The following CACUL1 variants were observed in gnomAD, a reference collection of about 807,000 sequenced individuals.
The protein encoded by CACUL1 is CDK2 associated cullin domain 1, also known as CDK2-associated and cullin domain-containing protein 1.
Under a neutral mutation model 45.2 loss-of-function variants are expected in CACUL1, and 13 were observed. That is an observed-to-expected ratio of 0.29 (90% CI 0.19 to 0.46). CACUL1 has a LOEUF of 0.46. CACUL1 is among the 20% of genes least tolerant of loss of function. The pLI, the probability that CACUL1 is intolerant of heterozygous loss-of-function variation, is 1.00. For synonymous variants in CACUL1, 197 were observed against 174.2 expected (o/e 1.13, Z -1.03); for missense variants, 421 against 471.4 (o/e 0.89, Z 0.99).
intron 1 of CACUL1, among the ~76,000 whole-genome samples, chr10:118,742,656 C>G (rs375021222): frequency 6.6e-5 from 10 of 152,198 alleles, no homozygotes; most frequent in African/African-American, 2.2e-4. Flanking sequence ...TACACACCCC[C>G]CTCCCAACAT....
chr10:118,741,379 C>T (rs1337899445), intron 1 of CACUL1, among the ~76,000 whole-genome samples: 1 of 152,032 alleles, frequency 6.6e-6, no homozygotes, highest in Non-Finnish European at 1.5e-5. Context: ...TTCTAAGGCA[C>T]AGGAAATGAG....
chr10:118,707,723 C>T (rs1845446369), intron 3 of CACUL1, 136 bp from the exon 4 acceptor site: 1 of 524,098 alleles, frequency 1.9e-6, no homozygotes, highest in African/African-American at 2.2e-5. Flanking sequence ...AAAAGGAAGA[C>T]ACGTACACTC....
intron 4 of CACUL1, among the ~76,000 whole-genome samples, chr10:118,707,103 G>A (rs1845439341): frequency 6.6e-6 from 1 of 152,188 alleles, no homozygotes; most frequent in Admixed American, 6.5e-5. Flanking sequence ...CAGAATGGCA[G>A]CAATGTTTTA....
At chr10:118,748,834 G>A (rs1254857656) in intron 1 of CACUL1, among the ~76,000 whole-genome samples, 5 of 152,068 alleles carry the variant, frequency 3.3e-5, no homozygotes, top group East Asian at 1.9e-4. Context: ...ACCAGACGGC[G>A]ACATGGGTTA....
intron 3 of CACUL1, among the ~76,000 whole-genome samples, chr10:118,711,279 C>T (rs1327378390): frequency 6.6e-6 from 1 of 152,216 alleles, no homozygotes; most frequent in African/African-American, 2.4e-5. Flanking sequence ...AGGGTTTCAC[C>T]ATGTTGGCCA....
intron 5 of CACUL1, among the ~76,000 whole-genome samples, chr10:118,700,203 C>T (rs554100641): frequency 3.3e-5 from 5 of 152,124 alleles, no homozygotes; most frequent in Admixed American, 2.6e-4. Flanking sequence ...ACGCTAATTA[C>T]GGCTCAAAGG....
At chr10:118,693,968 G>A (rs1845296359) in intron 6 of CACUL1, among the ~76,000 whole-genome samples, 1 of 152,162 alleles carries the variant, frequency 6.6e-6, no homozygotes, top group Non-Finnish European at 1.5e-5. Flanking sequence ...AGGCTGGAGT[G>A]CAGTGGTACA....
chr10:118,686,831 T>C, intron 7 of CACUL1, 190 bp from the exon 8 acceptor site: 2 of 592,118 alleles, frequency 3.4e-6, no homozygotes, highest in Non-Finnish European at 6.0e-6. Flanking sequence ...AACATGAGCC[T>C]TTACCTGTAT....
At chr10:118,696,828 T>C (rs574489865) in intron 5 of CACUL1, among the ~76,000 whole-genome samples, 1 of 152,322 alleles carries the variant, frequency 6.6e-6, no homozygotes, top group Admixed American at 6.5e-5. Flanking sequence ...TTCAAAGTTC[T>C]CTCTATTAAT....
At chr10:118,714,152 T>C (rs896433492) in intron 3 of CACUL1, among the ~76,000 whole-genome samples, 1 of 152,240 alleles carries the variant, frequency 6.6e-6, no homozygotes, top group Non-Finnish European at 1.5e-5. Flanking sequence ...TCATATCTGC[T>C]TCTGCAATGA....
chr10:118,750,758 T>C (rs1477849441), intron 1 of CACUL1, among the ~76,000 whole-genome samples: 6 of 152,074 alleles, frequency 3.9e-5, no homozygotes, highest in Admixed American at 6.6e-5. Flanking sequence ...CATATCCCCA[T>C]TGCACTTGGC....
rs550416130 is a variant in CACUL1 at position 118,679,861 on chromosome 10, C to T, written c.*6267G>A. ...TTTGTAGAGATGGGGTTCTGTGTTA[C>T]CCAGGCTGGTCTCAAATCCTGGCTT... On this transcript the variant is annotated 3_prime_UTR_variant, in exon 9 of 9. Transcript: ENST00000369151. 2 of 152,026 alleles carry T rather than the reference C, an allele frequency of 1.3e-5. No homozygotes were observed. The highest frequency in any genetic ancestry group is 4.2e-4 in the South Asian group (2 of 4,806). 9.4% of individuals were successfully genotyped at this position (152,026 alleles called of 1,614,324 possible).
At chr10:118,700,502 G>T (rs1002257333) in intron 5 of CACUL1, among the ~76,000 whole-genome samples, 4 of 152,072 alleles carry the variant, frequency 2.6e-5, no homozygotes, top group Non-Finnish European at 2.9e-5. Context: ...TGGATCACGA[G>T]GTCAAAAGAT....
intron 1 of CACUL1, among the ~76,000 whole-genome samples, chr10:118,751,647 C>G (rs1172338593): frequency 1.3e-5 from 2 of 152,192 alleles, no homozygotes; most frequent in Admixed American, 6.5e-5. Context: ...CATCCCCAAA[C>G]AAATCTTTAA....
chr10:118,754,869 AT>A lies in CACUL1; in HGVS notation c.-108del. On this transcript the variant is annotated 5_prime_UTR_variant, in exon 1 of 9. Coordinates refer to ENST00000369151, the MANE Select transcript of CACUL1 (RefSeq NM_153810.5). The stretch of plus-strand genomic sequence containing the variant: ...CCGAGTTACATCGCCGGCGGCAGGA[AT>A]GGGCGCAGCGGAGAGGGCTGCGGTG... The A allele has an allele frequency of 6.9e-7, 1 of 1,440,912 alleles. No individual in the cohort carries two copies. Among genetic ancestry groups the A allele is most frequent in the Non-Finnish European group, 9.3e-7 (1 of 1,080,294 alleles). 89.3% of individuals were successfully genotyped at this position (1,440,912 alleles called of 1,614,324 possible).
chr10:118,740,196 A>G (rs1322628282), intron 1 of CACUL1, among the ~76,000 whole-genome samples: 1 of 152,172 alleles, frequency 6.6e-6, no homozygotes, highest in Non-Finnish European at 1.5e-5. Flanking sequence ...AAATTCTGCC[A>G]ATACAAACAA....
intron 1 of CACUL1, among the ~76,000 whole-genome samples, chr10:118,751,380 C>A (rs909534278): frequency 1.3e-5 from 2 of 152,070 alleles, no homozygotes; most frequent in African/African-American, 2.4e-5. Context: ...ACATTTAGGT[C>A]TTTAATTCAT....
At chr10:118,694,546 T>A (rs1845301632) in intron 6 of CACUL1, among the ~76,000 whole-genome samples, 1 of 152,250 alleles carries the variant, frequency 6.6e-6, no homozygotes, top group Non-Finnish European at 1.5e-5. Context: ...TATGACAAGT[T>A]TGAGGTTCCG....
chr10:118,716,251 AAAAG>A (rs1466800497), intron 3 of CACUL1, among the ~76,000 whole-genome samples: 16 of 151,650 alleles, frequency 1.1e-4, no homozygotes, highest in Admixed American at 4.6e-4. Flanking sequence ...AAGAAAAAGA[AAAAG>A]AAAAAAATAA....
Sources: allele counts gnomAD v4.1 joint callset (sites outside exome capture counted in the v4.1 genomes callset), GRCh38; gene constraint gnomAD v4.1.1; transcripts MANE v1.5; gene names NCBI Gene and HGNC (gene_info 2026-07-23, HGNC 2026-07-21).